PACS2: variants seen among roughly 807,000 people sequenced by gnomAD.
The protein encoded by PACS2 is phosphofurin acidic cluster sorting protein 2.
PACS2 carries 36 observed loss-of-function variants against 113.0 expected under a neutral mutation model. That is an observed-to-expected ratio of 0.32 (90% CI 0.24 to 0.42). The LOEUF (loss-of-function observed/expected upper bound fraction) is 0.42, where lower values mean the gene tolerates loss of function less well. Among genes scored for constraint, PACS2 ranks in the 10% least tolerant of loss-of-function variants. The probability of loss-of-function intolerance (pLI) is 1.00; values close to 1 mark genes in which losing one functional copy is unlikely to be tolerated. For missense variants in PACS2, 1,015 were observed against 1,239.5 expected, an observed-to-expected ratio of 0.82 and a Z score of 2.72; for synonymous variants, 589 against 536.1, an observed-to-expected ratio of 1.10 and a Z score of -1.36.
chr14:105,317,130 C>T lies in PACS2; in HGVS notation c.119+2093C>T, dbSNP rs2058695787. On this transcript the variant is annotated intron_variant, in intron 1 of 24. Transcript: ENST00000447393. The surrounding 1 kb of genome is among the most constrained non-coding windows in gnomAD (Gnocchi z 4.2). ...TCTGTACTCCTCACTTTTGCCCAGC[C>T]ATGAAGCTTCTGGGCTGCGTGTGTG... is the stretch of plus-strand genomic sequence containing the variant. Among the ~76,000 whole-genome samples the T allele has an allele frequency of 6.6e-6, 1 of 152,230 alleles. No individual in the cohort carries two copies. The highest frequency in any genetic ancestry group is 2.4e-5 in the African/African-American group (1 of 41,456).
intron 2 of PACS2, among the ~76,000 whole-genome samples, chr14:105,351,014 G>A (rs1033069032): frequency 1.3e-5 from 2 of 152,160 alleles, no homozygotes; most frequent in East Asian, 1.9e-4. Flanking sequence ...CGGGCCGCCC[G>A]CACCTGTCCT....
chr14:105,370,048 C>T (rs1015326834), intron 8 of PACS2, 148 bp downstream of exon 8: 14 of 690,020 alleles, frequency 2.0e-5, no homozygotes, highest in African/African-American at 1.1e-4. Flanking sequence ...GTCTGCGAGG[C>T]GCAGTGACAG....
intron 8 of PACS2, chr14:105,372,410 C>T (rs782398100): frequency 6.6e-6 from 1 of 152,212 alleles, no homozygotes; most frequent in Non-Finnish European, 1.5e-5. Context: ...CAGAATTCAG[C>T]TTGACTGGAT....
chr14:105,368,679 CT>C, intron 7 of PACS2, 140 bp downstream of exon 7: 2 of 675,996 alleles, frequency 3.0e-6, no homozygotes, highest in Admixed American at 2.3e-5. Context: ...GGCAGACCCC[CT>C]GATTGCCAGT....
intron 18 of PACS2, among the ~76,000 whole-genome samples, chr14:105,385,198 C>T (rs587613223): frequency 9.2e-5 from 14 of 152,306 alleles, no homozygotes; most frequent in African/African-American, 2.9e-4. Context: ...GCGCCATTTC[C>T]GCACCTGTTT....
intron 16 of PACS2, 80 bp downstream of exon 16, chr14:105,383,593 C>T (rs1301498334): frequency 2.6e-5 from 37 of 1,406,504 alleles, no homozygotes; most frequent in South Asian, 6.7e-5. Flanking sequence ...TGTGGCGTGG[C>T]GTGGCGTGTT....
Position 105,338,200 on chromosome 14 carries a change from C to T in PACS2, c.120-10293C>T, listed in dbSNP as rs185175774. Among the ~76,000 whole-genome samples the T allele has an allele frequency of 7.8e-4, 119 of 152,318 alleles. 1 individual carries two copies. The East Asian group carries it at 0.015, about 19-fold the overall frequency. ...CTTCCGCCTGCTGTGGGCTGCATGG[C>T]GCTGGGGCTCTGCCCAGCCCTGGAG... is the stretch of plus-strand genomic sequence containing the variant. On this transcript the variant is annotated intron_variant, in intron 1 of 24. Coordinates refer to ENST00000447393, the MANE Select transcript of PACS2 (RefSeq NM_001100913.3).
intron 8 of PACS2, among the ~76,000 whole-genome samples, chr14:105,375,505 A>T (rs773746219): frequency 5.1e-4 from 77 of 149,818 alleles, no homozygotes; most frequent in Non-Finnish European, 1.1e-3. Flanking sequence ...AAAAAAAAAT[A>T]GGGATCTTTC....
At chr14:105,343,282 C>T (rs2059802673) in intron 1 of PACS2, among the ~76,000 whole-genome samples, 1 of 152,196 alleles carries the variant, frequency 6.6e-6, no homozygotes, top group African/African-American at 2.4e-5. Flanking sequence ...TGAAGGACAT[C>T]GGGGTTTCCA....
chr14:105,379,714 C>T, intron 9 of PACS2, 25 bp from the exon 10 acceptor site: 1 of 1,590,828 alleles, frequency 6.3e-7, no homozygotes, highest in Non-Finnish European at 8.6e-7. Flanking sequence ...ATTAACGTGT[C>T]CCCCACCCCT....
At position 105,376,696 on chromosome 14, in the gene PACS2, G is replaced by A; in HGVS notation, c.802-72G>A. ...CCTCCTATTGCTCCTGCAGACTCTGGGGTCTCGGGCGCCCCCAGTGGGGCA... is the reference window on the plus strand; with the variant it reads ...CCTCCTATTGCTCCTGCAGACTCTGAGGTCTCGGGCGCCCCCAGTGGGGCA... On this transcript the variant is annotated intron_variant, in intron 8 of 24. Transcript: ENST00000447393. The surrounding 1 kb of genome is among the most constrained non-coding windows in gnomAD (Gnocchi z 4.7). 1 of 1,484,724 alleles carries A rather than the reference G, an allele frequency of 6.7e-7. No individual in the cohort carries two copies. The highest frequency in any genetic ancestry group is 9.2e-7 in the Non-Finnish European group (1 of 1,081,116). The allele number at this position is 1,484,724 out of a possible 1,614,324, so 92.0% of individuals were successfully genotyped here.
In PACS2 at chr14:105,358,198, A is replaced by G. The variant is rs1489243783; in HGVS notation, c.423+3021A>G. The stretch of plus-strand genomic sequence containing the variant: ...TCTGAGGCTGAGGAAGTGGAGTCCA[A>G]GGTGGCCCAGGGTAGGGGCCGGGCC... On this transcript the variant is annotated intron_variant, in intron 4 of 24. Transcript: ENST00000447393. This position sits in a 1 kb window ranked among gnomAD's most constrained non-coding sequence, Gnocchi z 4.9. 1.3e-5 allele frequency among the ~76,000 whole-genome samples: 2 copies of G among 152,160 alleles called. No individual in the cohort carries two copies. The highest frequency in any genetic ancestry group is 2.9e-5 in the Non-Finnish European group (2 of 68,016).
At chr14:105,339,288 C>T (rs2140952640) in intron 1 of PACS2, among the ~76,000 whole-genome samples, 1 of 151,844 alleles carries the variant, frequency 6.6e-6, no homozygotes, top group African/African-American at 2.4e-5. Context: ...GGGGGGACCA[C>T]CTGAGGTCAG....
chr14:105,380,191 A>G, intron 11 of PACS2, 37 bp downstream of exon 11: 1 of 1,510,010 alleles, frequency 6.6e-7, no homozygotes, highest in Non-Finnish European at 9.0e-7. Context: ...CGTTCCACAC[A>G]TCAGGCACAC....
At chr14:105,344,514 A>T (rs923069758) in intron 1 of PACS2, among the ~76,000 whole-genome samples, 6 of 152,168 alleles carry the variant, frequency 3.9e-5, no homozygotes, top group African/African-American at 1.2e-4. Context: ...CTTTCTAGGG[A>T]AATGAAAATT....
intron 1 of PACS2, among the ~76,000 whole-genome samples, chr14:105,347,595 C>G (rs2059989794): frequency 6.6e-6 from 1 of 152,208 alleles, no homozygotes; most frequent in Non-Finnish European, 1.5e-5. Flanking sequence ...ACTTGTTGGT[C>G]TTAGAGCCTG....
Position 105,314,797 on chromosome 14 carries a change from C to T in PACS2, c.-122C>T. 4.2e-6 allele frequency: 1 copy of T among 236,052 alleles called. No individual in the cohort carries two copies. The highest frequency in any genetic ancestry group is 6.7e-6 in the Non-Finnish European group (1 of 148,624). 14.6% of individuals were successfully genotyped at this position (236,052 alleles called of 1,614,324 possible). A position where few individuals can be genotyped will look rare whatever the true frequency, so the allele number is the denominator to read the frequency against. Reference sequence around the variant, plus strand: ...TGTCCGACGCCGGGGCCCGGCCCGTCCCCTCCGCCGCCCGGCAGCCATGTG... The same window carrying T: ...TGTCCGACGCCGGGGCCCGGCCCGTTCCCTCCGCCGCCCGGCAGCCATGTG... On this transcript the variant is annotated 5_prime_UTR_variant, in exon 1 of 25. Coordinates refer to ENST00000447393, the MANE Select transcript of PACS2 (RefSeq NM_001100913.3).
chr14:105,363,655 T>C (rs2060815842), intron 4 of PACS2, among the ~76,000 whole-genome samples: 1 of 152,214 alleles, frequency 6.6e-6, no homozygotes, highest in Admixed American at 6.5e-5. Flanking sequence ...CTGAGGCTGC[T>C]CTGCTGATTC....
intron 8 of PACS2, among the ~76,000 whole-genome samples, chr14:105,374,243 T>G (rs1368134577): frequency 2.4e-4 from 36 of 152,088 alleles, no homozygotes. Context: ...GGGCCAATCT[T>G]ATGACCTTGG....
Sources: gnomAD v4.1 joint callset for allele counts (sites outside exome capture counted in the v4.1 genomes callset) on GRCh38, gnomAD v4.1.1 for gene constraint, Gnocchi (gnomAD v3.1) non-coding constraint, MANE v1.5 for transcripts, NCBI Gene and HGNC (gene_info 2026-07-23, HGNC 2026-07-21) for gene names.